TMEM69: variants seen among roughly 807,000 people sequenced by gnomAD.
TMEM69 encodes transmembrane protein 69, also known as chromosome 1 open reading frame 154.
Under a neutral mutation model 15.8 loss-of-function variants are expected in TMEM69, and 17 were observed. The observed-to-expected ratio is 1.07, with a 90% CI of 0.73 to 1.61. The LOEUF is 1.61. Among genes scored for constraint, TMEM69 ranks in the 40% most tolerant of loss-of-function variants. The pLI, the probability that TMEM69 is intolerant of heterozygous loss-of-function variation, is 0.00. For synonymous variants in TMEM69, 80 were observed against 98.6 expected (o/e 0.81, Z 1.12); for missense variants, 230 against 286.1 (o/e 0.80, Z 1.41).
At position 45,694,068 on chromosome 1, in the gene TMEM69, G is replaced by A; in HGVS notation, c.*163G>A. Reference sequence around the variant, plus strand: ...TCCACGTGTGAAGTGACAGCCTTGTGTGTGATCTTTTCTGTCTTCCCCAAG... The same window carrying A: ...TCCACGTGTGAAGTGACAGCCTTGTATGTGATCTTTTCTGTCTTCCCCAAG... On this transcript the variant is annotated 3_prime_UTR_variant, in exon 3 of 3. Coordinates refer to ENST00000372025, the MANE Select transcript of TMEM69 (RefSeq NM_016486.4). The A allele has an allele frequency of 4.0e-6, 2 of 495,462 alleles. No homozygotes were observed. The highest frequency in any genetic ancestry group is 6.6e-5 in the East Asian group (2 of 30,234). 30.7% of individuals were successfully genotyped at this position (495,462 alleles called of 1,614,324 possible). A position where few individuals can be genotyped will look rare whatever the true frequency, so the allele number is the denominator to read the frequency against.
At chr1:45,691,569 G>A (rs1002920718) in intron 2 of TMEM69, among the ~76,000 whole-genome samples, 4 of 152,156 alleles carry the variant, frequency 2.6e-5, no homozygotes, top group Admixed American at 2.0e-4. Flanking sequence ...GCTAGGTGCC[G>A]TGGCTTACGG....
rs1216225205 is a variant in TMEM69, at chr1:45,692,140, C to T, written c.42+1030C>T. ...CCAGCCTGGGTGATAGAGCAAAACT[C>T]GGTCTCAAAAAAATAAAAATAAAAA... On this transcript the variant is annotated intron_variant, in intron 2 of 2. Coordinates refer to ENST00000372025, the MANE Select transcript of TMEM69 (RefSeq NM_016486.4). 3.3e-5 allele frequency among the ~76,000 whole-genome samples: 5 copies of T among 152,000 alleles called. No individual in the cohort carries two copies. The East Asian group carries it at 7.7e-4, about 23-fold the overall frequency.
chr1:45,691,437 G>A (rs1645344401), intron 2 of TMEM69, among the ~76,000 whole-genome samples: 1 of 152,130 alleles, frequency 6.6e-6, no homozygotes, highest in South Asian at 2.1e-4. Flanking sequence ...CAGCTACCTG[G>A]GAGGCTGAGA....
At chr1:45,690,874 G>C in intron 1 of TMEM69, 100 bp from the exon 2 acceptor site, 1 of 615,398 alleles carries the variant, frequency 1.6e-6, no homozygotes, top group East Asian at 2.8e-5. Flanking sequence ...AAACATTAAT[G>C]ATTCTTTTCA....
At chr1:45,691,775 AG>A (rs1645346219) in intron 2 of TMEM69, among the ~76,000 whole-genome samples, 1 of 117,302 alleles carries the variant, frequency 8.5e-6, no homozygotes, top group African/African-American at 3.0e-5. Flanking sequence ...CAGGAAGCAA[AG>A]GTTGCAGTGA....
Position 45,691,099 on chromosome 1 carries a change from G to C in TMEM69, c.31G>C (p.Ala11Pro), listed in dbSNP as rs1411845695. ...TCGCTTCATCCAGAAGTTTTCTCAA[G>C]CATCTTCAAAGGTTGGTTTGTTCAG... MLRFIQKFSQ[A>P]SSKILKYSFP... Residue 11 changes from alanine (A) to proline (P), a missense_variant, in exon 2 of 3, where the codon GCA becomes CCA. Coordinates refer to ENST00000372025, the MANE Select transcript of TMEM69 (RefSeq NM_016486.4). 32 of 1,614,148 alleles carry C rather than the reference G, an allele frequency of 2.0e-5. No homozygotes were observed. Among genetic ancestry groups the C allele is most frequent in the Non-Finnish European group, 2.7e-5 (32 of 1,180,018 alleles).
chr1:45,693,253 T>A lies in TMEM69; in HGVS notation c.92T>A (p.Ile31Lys). The change falls in exon 3 of 3, where the codon ATA becomes AAA. Residue 31 changes from isoleucine to lysine, a missense_variant. Ile to Lys is a moderately radical substitution (Grantham distance 102). Transcript: ENST00000372025. ...PVGLRTSRTDILSLKMSLQQN... is the reference protein window; with the variant it reads ...PVGLRTSRTDKLSLKMSLQQN... The stretch of plus-strand genomic sequence containing the variant: ...GGACTAAGAACCAGCAGAACAGATA[T>A]ACTTTCTCTCAAGATGTCTCTCCAG... The A allele has an allele frequency of 6.2e-7, 1 of 1,614,188 alleles. No homozygotes were observed. Among genetic ancestry groups the A allele is most frequent in the Non-Finnish European group, 8.5e-7 (1 of 1,180,012 alleles).
intron 1 of TMEM69, among the ~76,000 whole-genome samples, chr1:45,690,099 C>T (rs1244970341): frequency 6.6e-6 from 1 of 152,212 alleles, no homozygotes; most frequent in African/African-American, 2.4e-5. Flanking sequence ...AGACACACAG[C>T]TAATAAGTAG....
At chr1:45,689,799 C>T (rs1031883869) in intron 1 of TMEM69, among the ~76,000 whole-genome samples, 6 of 152,060 alleles carry the variant, frequency 3.9e-5, no homozygotes, top group Non-Finnish European at 7.4e-5. Flanking sequence ...GATGGCACCA[C>T]TGCACTCCAC....
rs1645363123 is a variant in TMEM69 at position 45,693,828 on chromosome 1, A to G, written c.667A>G (p.Thr223Ala). Reference sequence around the variant, plus strand: ...GAGGATAGTAGTCACTTTATTGGCCACTTTTTCATTTATAATCACTTTAGT... The same window carrying G: ...GAGGATAGTAGTCACTTTATTGGCCGCTTTTTCATTTATAATCACTTTAGT... ...ALRIVVTLLA[T>A]FSFIITLVVK... Residue 223 changes from threonine (T) to alanine (A), a missense_variant, in exon 3 of 3, where the codon ACT (threonine) becomes GCT (alanine). Coordinates refer to ENST00000372025, the MANE Select transcript of TMEM69 (RefSeq NM_016486.4). The G allele has an allele frequency of 3.1e-6, 5 of 1,614,094 alleles. No homozygotes were observed. The highest frequency in any genetic ancestry group is 1.1e-5 in the South Asian group (1 of 91,068).
intron 1 of TMEM69, among the ~76,000 whole-genome samples, chr1:45,689,940 A>G (rs370336457): frequency 1.5e-4 from 23 of 152,284 alleles, no homozygotes; most frequent in African/African-American, 5.5e-4. Flanking sequence ...GGCTGCAGAC[A>G]GCGGAGAGCA....
Position 45,693,476 on chromosome 1 carries a change from A to G in TMEM69, c.315A>G (p.Leu105=). Residue 105 remains leucine (L), a synonymous_variant, in exon 3 of 3, where the codon CTA becomes CTG. Transcript: ENST00000372025. The part of the protein sequence containing the change: ...KPALCVTLAG[L]IPFVAPPLVM... Reference sequence around the variant, plus strand: ...CATTATGTGTAACTCTGGCAGGACTAATCCCCTTCGTTGCTCCACCACTGG... The same window carrying G: ...CATTATGTGTAACTCTGGCAGGACTGATCCCCTTCGTTGCTCCACCACTGG... 6.2e-7 allele frequency: 1 copy of G among 1,614,230 alleles called. No homozygotes were observed. The highest frequency in any genetic ancestry group is 1.3e-5 in the African/African-American group (1 of 75,066).
At chr1:45,688,501 T>TA (rs1428677614) in intron 1 of TMEM69, among the ~76,000 whole-genome samples, 2 of 152,162 alleles carry the variant, frequency 1.3e-5, no homozygotes, top group Middle Eastern at 3.2e-3. Flanking sequence ...TTTTCATTTA[T>TA]ATTAGGAGGA....
At chr1:45,688,625 G>A (rs1645319918) in intron 1 of TMEM69, among the ~76,000 whole-genome samples, 1 of 152,160 alleles carries the variant, frequency 6.6e-6, no homozygotes, top group Admixed American at 6.5e-5. Flanking sequence ...AGGAAAGGGA[G>A]TTTCCAAAGA....
intron 1 of TMEM69, among the ~76,000 whole-genome samples, chr1:45,690,322 C>T (rs1255463228): frequency 2.6e-5 from 4 of 152,216 alleles, no homozygotes; most frequent in South Asian, 2.1e-4. Context: ...GCCAACATGG[C>T]GAAACCCCAT....
intron 2 of TMEM69, among the ~76,000 whole-genome samples, chr1:45,692,602 T>C (rs763227678): frequency 6.6e-6 from 1 of 152,178 alleles, no homozygotes; most frequent in Non-Finnish European, 1.5e-5. Context: ...ACAGGGTGCT[T>C]ACTATAGGAG....
intron 1 of TMEM69, among the ~76,000 whole-genome samples, chr1:45,688,800 A>C (rs1438522916): frequency 6.6e-6 from 1 of 151,518 alleles, no homozygotes; most frequent in Admixed American, 6.6e-5. Context: ...AGGATTACTT[A>C]CCTCCCTACT....
In TMEM69 at chr1:45,693,873, GA is replaced by G. The variant is rs774540946; in HGVS notation, c.717del (p.Gly240AspfsTer30). ...TTTAGTAGTTAAAAGTAGTTTTCCA[GA>G]AAAAGGACATAAGAGACCTGGTCAA... ...ITLVVKSSFP[E>X]KGHKRPGQV On this transcript the variant is annotated frameshift_variant, in exon 3 of 3. Coordinates refer to ENST00000372025, the MANE Select transcript of TMEM69 (RefSeq NM_016486.4). LOFTEE classifies it high-confidence loss of function. 2 of 1,609,096 alleles carry G rather than the reference GA, an allele frequency of 1.2e-6. No homozygotes were observed. The highest frequency in any genetic ancestry group is 1.3e-5 in the African/African-American group (1 of 74,660).
chr1:45,691,535 G>A (rs1299943434), intron 2 of TMEM69, among the ~76,000 whole-genome samples: 1 of 150,530 alleles, frequency 6.6e-6, no homozygotes, highest in East Asian at 2.0e-4. Context: ...ACAGCAAGAC[G>A]ATGTTTAAAA....
Sources: allele counts gnomAD v4.1 joint callset (sites outside exome capture counted in the v4.1 genomes callset), GRCh38; gene constraint gnomAD v4.1.1; transcripts MANE v1.5; gene names NCBI Gene and HGNC (gene_info 2026-07-23, HGNC 2026-07-21).